Variants in HEY1 observed in about 807,000 individuals in gnomAD.
HEY1 encodes the protein hes related family bHLH transcription factor with YRPW motif 1.
HEY1 carries 9 observed loss-of-function variants against 28.7 expected under a neutral mutation model. That is an observed-to-expected ratio of 0.31 (90% CI 0.19 to 0.55). The LOEUF is 0.55. HEY1 is among the 20% of genes least tolerant of loss of function. The probability of loss-of-function intolerance (pLI) is 0.93; values close to 1 mark genes in which losing one functional copy is unlikely to be tolerated. For missense variants in HEY1, 385 were observed against 399.4 expected (o/e 0.96, Z 0.31); for synonymous variants, 213 against 175.6 (o/e 1.21, Z -1.68).
At position 79,764,552 on chromosome 8, in the gene HEY1, G is replaced by A. The variant is rs2130485201; in HGVS notation, c.*636C>T. ...CAGCAGCTGGTCAGATGGATTCAGG[G>A]CCACCAACAGTTTGTACATTCACCT... On this transcript the variant is annotated 3_prime_UTR_variant, in exon 5 of 5. Coordinates refer to ENST00000354724, the MANE Select transcript of HEY1 (RefSeq NM_012258.4). 2 of 227,156 alleles carry A rather than the reference G, an allele frequency of 8.8e-6. No homozygotes were observed. Among genetic ancestry groups the A allele is most frequent in the East Asian group, 6.3e-5 (1 of 15,840 alleles). The allele number at this position is 227,156 out of a possible 1,614,324, so 14.1% of individuals were successfully genotyped here.
At chr8:79,766,518 C>T in intron 4 of HEY1, 133 bp downstream of exon 4, 1 of 1,523,570 alleles carries the variant, frequency 6.6e-7, no homozygotes. Context: ...TGACAGGGAA[C>T]TGCACACACC....
intron 4 of HEY1, chr8:79,766,114 G>A (rs866192313): frequency 2.0e-6 from 2 of 983,618 alleles, no homozygotes; most frequent in East Asian, 5.3e-5. Flanking sequence ...AAATTCATTA[G>A]ACACACAGAT....
At position 79,764,996 on chromosome 8, in the gene HEY1, TACATG is replaced by T. The variant is rs1807790682; in HGVS notation, c.*187_*191del. 2.0e-6 allele frequency: 1 copy of T among 509,192 alleles called. No individual in the cohort carries two copies. Among genetic ancestry groups the T allele is most frequent in the Non-Finnish European group, 3.5e-6 (1 of 289,500 alleles). The allele number at this position is 509,192 out of a possible 1,614,324, so 31.5% of individuals were successfully genotyped here. A position where few individuals can be genotyped will look rare whatever the true frequency, so the allele number is the denominator to read the frequency against. ...ACAACTAGTTTTTAAAAACTGCTAA[TACATG>T]ACATGATGAAAAAAACATTAAAAAA... On this transcript the variant is annotated 3_prime_UTR_variant, in exon 5 of 5. Transcript: ENST00000354724.
rs1162519930 is a variant in HEY1 at position 79,764,213 on chromosome 8, C to T, written c.*975G>A. The T allele has an allele frequency of 1.4e-5, 3 of 218,418 alleles. No individual in the cohort carries two copies. Among genetic ancestry groups the T allele is most frequent in the African/African-American group, 6.7e-5 (3 of 44,462 alleles). 13.5% of individuals were successfully genotyped at this position (218,418 alleles called of 1,614,324 possible). ...ACCTTGGCAACCACAGTTCCATGCA[C>T]CAAAAGGAAAACTCACATAAAAATT... On this transcript the variant is annotated 3_prime_UTR_variant, in exon 5 of 5. Transcript: ENST00000354724.
intron 4 of HEY1, chr8:79,766,157 G>T: frequency 7.1e-7 from 1 of 1,411,506 alleles, no homozygotes; most frequent in Non-Finnish European, 9.5e-7. Context: ...TTAGGCACTT[G>T]GACCTCAGTA....
At chr8:79,766,550 C>T (rs1055485583) in intron 4 of HEY1, 101 bp downstream of exon 4, 23 of 1,566,472 alleles carry the variant, frequency 1.5e-5, no homozygotes, top group Admixed American at 1.5e-4. Flanking sequence ...TCTCCCCACC[C>T]CCAAAGAAAA....
intron 4 of HEY1, 80 bp from the exon 5 acceptor site, chr8:79,765,851 G>A (rs891109344): frequency 1.6e-6 from 2 of 1,221,040 alleles, no homozygotes; most frequent in Non-Finnish European, 2.3e-6. Context: ...AGCCCTTCCT[G>A]GCAGATACCT....
At chr8:79,767,151 A>T in intron 2 of HEY1, 59 bp from the exon 3 acceptor site, 1 of 1,586,648 alleles carries the variant, frequency 6.3e-7, no homozygotes, top group Non-Finnish European at 8.6e-7. Flanking sequence ...AATTTCAAAG[A>T]CAAAAAAAAA....
At chr8:79,767,118 A>G in intron 2 of HEY1, 26 bp from the exon 3 acceptor site, 1 of 1,600,452 alleles carries the variant, frequency 6.2e-7, no homozygotes, top group Non-Finnish European at 8.6e-7. Context: ...AAAACAAAGG[A>G]AGGCATTACC....
rs1807881070 is a variant in HEY1 at position 79,767,650 on chromosome 8, T to A, written c.14A>T (p.His5Leu). 7.5e-6 allele frequency: 12 copies of A among 1,601,180 alleles called. No homozygotes were observed. The highest frequency in any genetic ancestry group is 1.3e-5 in the African/African-American group (1 of 74,356). Residue 5 changes from histidine (H) to leucine (L), a missense_variant, in exon 1 of 5, where the codon CAC (histidine) becomes CTC (leucine). By Grantham distance (99) the His-to-Leu change is moderately conservative. Around this residue, in one of 3 missense-constraint regions of HEY1, gnomAD observed 79 missense variants for 60.7 expected, o/e 1.30. Coordinates refer to ENST00000354724, the MANE Select transcript of HEY1 (RefSeq NM_012258.4). MKRA[H>L]PEYSSSDSEL... ...GCTGTCCGAGGAGCTGTACTCGGGG[T>A]GAGCTCGCTTCATGCTGGCTCCCTG...
At chr8:79,767,485 C>T (rs1356823140) in intron 1 of HEY1, 90 bp downstream of exon 1, 49 of 1,327,338 alleles carry the variant, frequency 3.7e-5, no homozygotes, top group Non-Finnish European at 3.5e-5. Flanking sequence ...AGGGCACCGG[C>T]GCGCCAAGGG....
In HEY1 at chr8:79,767,634, G is replaced by A. The variant is rs561275638; in HGVS notation, c.30C>T (p.Ser10=). The A allele has an allele frequency of 5.2e-5, 84 of 1,609,402 alleles. 1 individual carries two copies. The Admixed American group carries it at 1.1e-3, about 21-fold the overall frequency. The change falls in exon 1 of 5, where the codon TCC becomes TCT. Residue 10 remains serine, a synonymous_variant. Transcript: ENST00000354724. MKRAHPEYS[S]SDSELDETIE... Reference sequence around the variant, plus strand: ...TGGTCTCGTCCAGCTCGCTGTCCGAGGAGCTGTACTCGGGGTGAGCTCGCT... The same window carrying A: ...TGGTCTCGTCCAGCTCGCTGTCCGAAGAGCTGTACTCGGGGTGAGCTCGCT...
In HEY1 at chr8:79,767,572, C is replaced by T. The variant is rs374445849; in HGVS notation, c.89+3G>A. 12 of 1,603,334 alleles carry T rather than the reference C, an allele frequency of 7.5e-6. No individual in the cohort carries two copies. The highest frequency in any genetic ancestry group is 1.0e-5 in the Non-Finnish European group (12 of 1,176,104). Reference sequence around the variant, plus strand: ...CGGCTCCGCTCCGCCGCCGCCAGCTCACCCATTCTCGTCCGCACTCTCCTT... The same window carrying T: ...CGGCTCCGCTCCGCCGCCGCCAGCTTACCCATTCTCGTCCGCACTCTCCTT... On this transcript the variant is annotated splice_donor_region_variant and intron_variant, in intron 1 of 4. Transcript: ENST00000354724.
At position 79,765,668 on chromosome 8, in the gene HEY1, A is replaced by G; in HGVS notation, c.435T>C (p.Asp145=). ...GTCGAACTCGAAGCGGGTCAGAGGC[A>G]TCTAGTCCTTCAATGATGCTCAGAT... The part of the protein sequence containing the change: ...ARYLSIIEGL[D]ASDPLRVRLV... Residue 145 remains aspartate, a synonymous_variant, in exon 5 of 5, where the codon GAT becomes GAC. Transcript: ENST00000354724. The G allele has an allele frequency of 6.2e-7, 1 of 1,614,264 alleles. No individual in the cohort carries two copies. Among genetic ancestry groups the G allele is most frequent in the Non-Finnish European group, 8.5e-7 (1 of 1,180,046 alleles).
At chr8:79,767,133 C>A (rs1374213308) in intron 2 of HEY1, 41 bp from the exon 3 acceptor site, 2 of 1,585,566 alleles carry the variant, frequency 1.3e-6, no homozygotes, top group South Asian at 1.1e-5. Context: ...ATTACCATTA[C>A]GACTGTAAAT....
At position 79,765,298 on chromosome 8, in the gene HEY1, C is replaced by T. The variant is rs765771783; in HGVS notation, c.805G>A (p.Gly269Ser). Residue 269 changes from glycine to serine, a missense_variant, in exon 5 of 5, where the codon GGC becomes AGC. This residue lies in a region of HEY1 where 223 missense variants were observed against 215.9 expected (regional missense o/e 1.03). Transcript: ENST00000354724. Reference sequence around the variant, plus strand: ...TTGGGAGACAGTAAGTGGAAGGAGCCGAAAGAGAAGGGGAAGGCCGACAGG... The same window carrying T: ...TTGGGAGACAGTAAGTGGAAGGAGCTGAAAGAGAAGGGGAAGGCCGACAGG... ...ASLSAFPFSF[G>S]SFHLLSPNAL... The T allele has an allele frequency of 6.4e-7, 1 of 1,557,998 alleles. No individual in the cohort carries two copies. The highest frequency in any genetic ancestry group is 8.7e-7 in the Non-Finnish European group (1 of 1,149,964).
At chr8:79,766,886 T>A (rs1459314573) in intron 3 of HEY1, 123 bp downstream of exon 3, 3 of 1,182,928 alleles carry the variant, frequency 2.5e-6, no homozygotes, top group Non-Finnish European at 3.7e-6. Context: ...CGCTGGTATC[T>A]GTGTACGAAT....
Position 79,765,175 on chromosome 8 carries a change from C to G in HEY1, c.*13G>C. On this transcript the variant is annotated 3_prime_UTR_variant, in exon 5 of 5. Coordinates refer to ENST00000354724, the MANE Select transcript of HEY1 (RefSeq NM_012258.4). The stretch of plus-strand genomic sequence containing the variant: ...ATTTTAAACTTTCCCCTCCCTCATT[C>G]TACATCAGTTCTTTAAAAAGCTCCG... 10 of 1,528,184 alleles carry G rather than the reference C, an allele frequency of 6.5e-6. No homozygotes were observed. Among genetic ancestry groups the G allele is most frequent in the Non-Finnish European group, 8.8e-6 (10 of 1,131,802 alleles). 94.7% of individuals were successfully genotyped at this position (1,528,184 alleles called of 1,614,324 possible).
At position 79,765,030 on chromosome 8, in the gene HEY1, A is replaced by G. The variant is rs1807792801; in HGVS notation, c.*158T>C. 2 of 548,110 alleles carry G rather than the reference A, an allele frequency of 3.6e-6. No individual in the cohort carries two copies. The highest frequency in any genetic ancestry group is 6.4e-6 in the Non-Finnish European group (2 of 314,312). The allele number at this position is 548,110 out of a possible 1,614,324, so 34.0% of individuals were successfully genotyped here. A position where few individuals can be genotyped will look rare whatever the true frequency, so the allele number is the denominator to read the frequency against. On this transcript the variant is annotated 3_prime_UTR_variant, in exon 5 of 5. Transcript: ENST00000354724. ...TGATGAAAAAAACATTAAAAAAGAT[A>G]AAAGTAAACCAACAAACCTTTAGTC...
Sources: allele counts gnomAD v4.1 joint callset, GRCh38; gene constraint gnomAD v4.1.1; regional missense constraint gnomAD v4.1.1; transcripts MANE v1.5; gene names NCBI Gene and HGNC (gene_info 2026-07-23, HGNC 2026-07-21).